Variants in FGF13 observed in about 807,000 individuals in gnomAD.
The protein encoded by FGF13 is fibroblast growth factor homologous factor 2.
In FGF13, 2 loss-of-function variants were observed where a neutral mutation model predicts 19.5. The ratio of observed to expected loss-of-function variants is 0.10; its 90% CI spans 0.04 to 0.32. The LOEUF is 0.32. Among genes scored for constraint, FGF13 ranks in the 10% least tolerant of loss-of-function variants. The pLI, the probability that FGF13 is intolerant of heterozygous loss-of-function variation, is 1.00. For missense variants in FGF13, 113 were observed against 192.7 expected, an observed-to-expected ratio of 0.59 and a Z score of 2.45; for synonymous variants, 72 against 76.9, an observed-to-expected ratio of 0.94 and a Z score of 0.33.
chrX:139,059,118 G>A (rs1054523831), intron 1 of FGF13, among the ~76,000 whole-genome samples: 3 of 111,107 alleles, frequency 2.7e-5, no homozygotes, highest in Non-Finnish European at 5.7e-5. Flanking sequence ...GCTGAATTTT[G>A]AGAAGTGACG....
rs144851481 is a variant in FGF13 at position 138,871,752 on chromosome X, A to G, written c.-112-7102T>C. On this transcript the variant is annotated intron_variant, in intron 1 of 2. Coordinates refer to the FGF13 transcript ENST00000421460. ...AAAAATGTAAAGGTCCTGAGATAGG[A>G]GTGTGAATTGCTGTTTTTGTAGAAA... Among the ~76,000 whole-genome samples the G allele has an allele frequency of 5.5e-4, 61 of 111,293 alleles. 1 individual carries two copies. The East Asian group carries it at 0.013, about 24-fold the overall frequency.
chrX:138,919,293 C>T (rs891850621), intron 1 of FGF13, among the ~76,000 whole-genome samples: 3 of 111,142 alleles, frequency 2.7e-5, no homozygotes, highest in Non-Finnish European at 5.7e-5. Context: ...TAGAAAAAGA[C>T]GGGCAAATTA....
chrX:138,906,801 T>C (rs1382394671), intron 1 of FGF13, among the ~76,000 whole-genome samples: 1 of 111,092 alleles, frequency 9.0e-6, no homozygotes, highest in Non-Finnish European at 1.9e-5. Context: ...CTATATCTCC[T>C]TTCCCCAGCG....
At chrX:138,802,741 C>T (rs141293112) in intron 3 of FGF13, among the ~76,000 whole-genome samples, 2,186 of 111,085 alleles carry the variant, frequency 0.02, 25 homozygotes, top group Non-Finnish European at 0.031. Flanking sequence ...AGCAAGTATT[C>T]ACAGGGATTC....
At chrX:139,128,685 T>C (rs953898512) in intron 1 of FGF13, among the ~76,000 whole-genome samples, 1 of 112,145 alleles carries the variant, frequency 8.9e-6, no homozygotes, top group African/African-American at 3.2e-5. Context: ...AATATGAAAA[T>C]TGCCCACCTT....
chrX:138,711,677 A>G lies in FGF13; in HGVS notation c.-674T>C. 1.3e-6 allele frequency: 1 copy of G among 754,623 alleles called. No homozygotes were observed. Among genetic ancestry groups the G allele is most frequent in the Non-Finnish European group, 1.6e-6 (1 of 639,120 alleles). 62.2% of individuals were successfully genotyped at this position (754,623 alleles called of 1,213,427 possible). ...TCTGGGCGCGGCACAGTCGCAGCACAGGAATTCAGCCGCCGCAGGCACCCT... is the reference window on the plus strand; with the variant it reads ...TCTGGGCGCGGCACAGTCGCAGCACGGGAATTCAGCCGCCGCAGGCACCCT... On this transcript the variant is annotated 5_prime_UTR_variant, in exon 1 of 5. Transcript: ENST00000315930.
chrX:138,895,220 A>G (rs1020624949), intron 1 of FGF13, among the ~76,000 whole-genome samples: 2 of 112,179 alleles, frequency 1.8e-5, no homozygotes, highest in Non-Finnish European at 3.8e-5. Context: ...ATATATGTAT[A>G]CATGGTGTAA....
chrX:138,787,721 C>G (rs2090705122), intron 3 of FGF13, among the ~76,000 whole-genome samples: 2 of 109,602 alleles, frequency 1.8e-5, no homozygotes, highest in Non-Finnish European at 3.8e-5. Flanking sequence ...CCCCCCACCC[C>G]CCAACAGGCC....
At chrX:139,203,987 G>T, upstream of FGF13, 1 of 1,095,765 alleles carries the variant, frequency 9.1e-7, no homozygotes, top group Non-Finnish European at 1.3e-6. Context: ...AGCCGCCGGA[G>T]GGCGGCGCGC....
chrX:139,132,027 TG>T (rs1383085956), intron 1 of FGF13, among the ~76,000 whole-genome samples: 1 of 112,348 alleles, frequency 8.9e-6, no homozygotes, highest in Non-Finnish European at 1.9e-5. Flanking sequence ...ATTCATCATC[TG>T]ATCTCCTGTC....
intron 3 of FGF13, among the ~76,000 whole-genome samples, chrX:138,787,612 T>C (rs2124368294): frequency 8.9e-6 from 1 of 111,813 alleles, no homozygotes; most frequent in South Asian, 3.8e-4. Context: ...TACATGGGTA[T>C]ACATGTGCCA....
At chrX:138,669,948 G>A (rs1235964847) in intron 3 of FGF13, among the ~76,000 whole-genome samples, 1 of 111,565 alleles carries the variant, frequency 9.0e-6, no homozygotes, top group Non-Finnish European at 1.9e-5. Context: ...GAGTGGGTGG[G>A]AAGTTCTACA....
intron 3 of FGF13, among the ~76,000 whole-genome samples, chrX:138,827,956 C>A (rs953394512): frequency 3.6e-5 from 4 of 111,602 alleles, no homozygotes; most frequent in Non-Finnish European, 7.5e-5. Context: ...GGGGTTAAAA[C>A]CCGGGTTTGT....
In FGF13 at chrX:138,627,305, G is replaced by A. The variant is rs948460123; in HGVS notation, c.*5545C>T. ...ATTTTACTCAATCATTATCCCATAC[G>A]TTTCTCTTACTCTAATTGCTAACTT... On this transcript the variant is annotated 3_prime_UTR_variant, in exon 5 of 5. Coordinates refer to ENST00000315930, the MANE Select transcript of FGF13 (RefSeq NM_004114.5). The A allele has an allele frequency of 1.8e-5, 2 of 111,439 alleles. No individual in the cohort carries two copies. Among genetic ancestry groups the A allele is most frequent in the African/African-American group, 3.3e-5 (1 of 30,614 alleles). The allele number at this position is 111,439 out of a possible 1,213,427, so 9.2% of individuals were successfully genotyped here.
chrX:138,645,331 A>T (rs764342784), intron 3 of FGF13, among the ~76,000 whole-genome samples: 1 of 112,095 alleles, frequency 8.9e-6, no homozygotes, highest in Non-Finnish European at 1.9e-5. Context: ...GTCACTGGGT[A>T]GACAACAGCT....
intron 1 of FGF13, among the ~76,000 whole-genome samples, chrX:139,103,555 T>C (rs753222321): frequency 2.7e-5 from 3 of 111,991 alleles, no homozygotes; most frequent in African/African-American, 6.5e-5. Flanking sequence ...AGTGGCATGA[T>C]AGCTGAAGGG....
chrX:139,086,632 A>G (rs1261463736), intron 1 of FGF13, among the ~76,000 whole-genome samples: 2 of 112,576 alleles, frequency 1.8e-5, no homozygotes, highest in African/African-American at 6.5e-5. Context: ...AACACACTAC[A>G]TGCTTATATC....
Position 138,620,726 on chromosome X carries a change from G to A in FGF13, c.*12124C>T, listed in dbSNP as rs1293683954. 9.0e-6 allele frequency: 1 copy of A among 111,490 alleles called. No individual in the cohort carries two copies. Among genetic ancestry groups the A allele is most frequent in the African/African-American group, 3.3e-5 (1 of 30,686 alleles). The allele number at this position is 111,490 out of a possible 1,213,427, so 9.2% of individuals were successfully genotyped here. A position where few individuals can be genotyped will look rare whatever the true frequency, so the allele number is the denominator to read the frequency against. On this transcript the variant is annotated 3_prime_UTR_variant, in exon 5 of 5. Transcript: ENST00000315930. Reference sequence around the variant, plus strand: ...ATGAAAAAGGAAGAACTAAGTACTTGCTATCTATAAGATAGTCACTTTAGC... The same window carrying A: ...ATGAAAAAGGAAGAACTAAGTACTTACTATCTATAAGATAGTCACTTTAGC...
chrX:138,913,081 A>G (rs762394360), intron 1 of FGF13, among the ~76,000 whole-genome samples: 12 of 110,295 alleles, frequency 1.1e-4, no homozygotes, highest in South Asian at 3.9e-4. Flanking sequence ...AAATTTCACT[A>G]CATCTCAAAC....
Sources: allele counts gnomAD v4.1 joint callset (sites outside exome capture counted in the v4.1 genomes callset), GRCh38; gene constraint gnomAD v4.1.1; transcripts MANE v1.5; gene names NCBI Gene and HGNC (gene_info 2026-07-23, HGNC 2026-07-21).